The following GYG2 variants were observed in gnomAD, a reference collection of about 807,000 sequenced individuals.
The protein encoded by GYG2 is glycogenin 2, also known as glycogenin-2.
In GYG2, 29 loss-of-function variants were observed where a neutral mutation model predicts 29.4. The ratio of observed to expected loss-of-function variants is 0.99; its 90% CI spans 0.74 to 1.35. GYG2 has a LOEUF of 1.35. Ranked by LOEUF, GYG2 falls within the 40% of genes most tolerant of loss-of-function variation. The pLI, the probability that GYG2 is intolerant of heterozygous loss-of-function variation, is 0.00. For missense variants in GYG2, 370 were observed against 385.7 expected (o/e 0.96, Z 0.34); for synonymous variants, 167 against 172.3 (o/e 0.97, Z 0.24).
At position 2,856,521 on chromosome X, in the gene GYG2, A is replaced by C. The variant is rs1426232340; in HGVS notation, c.511A>C (p.Ser171Arg). The C allele has an allele frequency of 3.3e-6, 4 of 1,208,540 alleles. No homozygotes were observed. In the Admixed American group the frequency reaches 8.7e-5, roughly 26 times the overall value. ...AGGGGCAGACCAAGGCTTACTGAAT[A>C]GTTTCTTCAGGAACTGGTCGACCAC... is the stretch of plus-strand genomic sequence containing the variant. ...FDGADQGLLN[S>R]FFRNWSTTDI... The change falls in exon 6 of 11, where the codon AGT becomes CGT. Residue 171 changes from serine (S) to arginine (R), a missense_variant. Ser to Arg is a moderately radical substitution (Grantham distance 110). Transcript: ENST00000398806.
At chrX:2,848,559 A>G (rs200261931) in intron 3 of GYG2, among the ~76,000 whole-genome samples, 1 of 101,246 alleles carries the variant, frequency 9.9e-6, no homozygotes, top group Non-Finnish European at 2.0e-5. Flanking sequence ...AAAAAAAAAA[A>G]CCTGACTATA....
At chrX:2,870,767 C>A (rs1387983069) in intron 8 of GYG2, among the ~76,000 whole-genome samples, 1 of 111,595 alleles carries the variant, frequency 9.0e-6, no homozygotes, top group Non-Finnish European at 1.9e-5. Context: ...TCTTTTTCCC[C>A]ATCTTATTTA....
chrX:2,854,302 A>G, intron 4 of GYG2, 148 bp downstream of exon 4: 3 of 426,380 alleles, frequency 7.0e-6, no homozygotes, highest in Non-Finnish European at 1.2e-5. Context: ...GCTCACTGCA[A>G]CCTCCGCCTC....
chrX:2,830,522 C>T (rs1009136571), intron 2 of GYG2, among the ~76,000 whole-genome samples: 3 of 112,209 alleles, frequency 2.7e-5, no homozygotes, highest in Non-Finnish European at 5.6e-5. Context: ...CCTGGAAGGC[C>T]GATGGGAAGA....
At chrX:2,841,007 AG>A (rs2087482073) in intron 2 of GYG2, among the ~76,000 whole-genome samples, 1 of 11,788 alleles carries the variant, frequency 8.5e-5, no homozygotes, top group African/African-American at 1.8e-4. Context: ...TAGATGATAT[AG>A]ATAGATAGAT....
At chrX:2,856,963 T>TTATC (rs71989016) in intron 6 of GYG2, among the ~76,000 whole-genome samples, 67 of 63,598 alleles carry the variant, frequency 1.1e-3, no homozygotes, top group African/African-American at 5.8e-3. Context: ...AGACATCTGT[T>TTATC]TATCTATCTA....
chrX:2,871,388 A>T (rs1478998092), intron 8 of GYG2, among the ~76,000 whole-genome samples: 3 of 28,488 alleles, frequency 1.1e-4, no homozygotes, highest in Non-Finnish European at 4.1e-4. Context: ...TGATGCACTT[A>T]AAAAAAAAAA....
At chrX:2,878,043 C>T in intron 10 of GYG2, 1 of 742,437 alleles carries the variant, frequency 1.3e-6, no homozygotes, top group Non-Finnish European at 1.6e-6. Flanking sequence ...TCAAATGCAG[C>T]ATTTTGAACT....
intron 8 of GYG2, among the ~76,000 whole-genome samples, chrX:2,875,015 G>A (rs2088562738): frequency 1.8e-5 from 2 of 111,995 alleles, no homozygotes; most frequent in Non-Finnish European, 1.9e-5. Flanking sequence ...GACCTGATGG[G>A]GGCCCCAGTG....
chrX:2,850,206 CAG>C (rs2087838003), intron 3 of GYG2, among the ~76,000 whole-genome samples: 2 of 111,351 alleles, frequency 1.8e-5, no homozygotes, highest in Middle Eastern at 4.7e-3. Context: ...ATGTATAAAA[CAG>C]AGTTAAGTCT....
rs73632943 is a variant in GYG2 at position 2,847,182 on chromosome X, T to G, written c.149+3828T>G. On this transcript the variant is annotated intron_variant, in intron 3 of 10. Transcript: ENST00000398806. Reference sequence around the variant, plus strand: ...TTGACACCCAAACTTGATTTACAGGTTTGATTGTGTTTACATTTGGATTGA... The same window carrying G: ...TTGACACCCAAACTTGATTTACAGGGTTGATTGTGTTTACATTTGGATTGA... Among the ~76,000 whole-genome samples the G allele has an allele frequency of 9.5e-3, 1,053 of 111,208 alleles. 17 individuals are homozygous for G. Among genetic ancestry groups the G allele is most frequent in the African/African-American group, 0.031 (945 of 30,571 alleles).
rs367719286 is a variant in GYG2 at position 2,870,499 on chromosome X, G to A, written c.1039-5311G>A. 3.7e-4 allele frequency among the ~76,000 whole-genome samples: 41 copies of A among 111,481 alleles called. 1 individual carries two copies. The East Asian group carries it at 4.0e-3, about 11-fold the overall frequency. On this transcript the variant is annotated intron_variant, in intron 8 of 10. Transcript: ENST00000398806. ...ATTACAGGCATGAGCCACCACGCCC[G>A]GCCTCTACTAACATTAGTAGAACCG...
At chrX:2,842,245 A>T (rs2087519335) in intron 2 of GYG2, among the ~76,000 whole-genome samples, 1 of 107,456 alleles carries the variant, frequency 9.3e-6, no homozygotes, top group Non-Finnish European at 1.9e-5. Flanking sequence ...CCCAGGCTGG[A>T]GTTCAGTAGT....
At chrX:2,835,053 A>G (rs2087345014) in intron 2 of GYG2, among the ~76,000 whole-genome samples, 1 of 111,454 alleles carries the variant, frequency 9.0e-6, no homozygotes, top group African/African-American at 3.3e-5. Context: ...TAAGATACAC[A>G]TTGCTTTGAT....
intron 5 of GYG2, among the ~76,000 whole-genome samples, chrX:2,856,011 G>C (rs1247808324): frequency 2.7e-5 from 3 of 112,264 alleles, no homozygotes. Flanking sequence ...ACCCATGGTA[G>C]AATATAGGGA....
chrX:2,864,385 A>AT lies in GYG2; in HGVS notation c.1038+2678dup, dbSNP rs11283991. On this transcript the variant is annotated intron_variant, in intron 8 of 10. Coordinates refer to ENST00000398806, the MANE Select transcript of GYG2 (RefSeq NM_001079855.2). ...TAAGTAGATAGAGGCAAATGGTTGC[A>AT]TTTTTTTTTTTTTTTAGTTTCTGAT... Among the ~76,000 whole-genome samples, 326 of 100,168 alleles carry AT rather than the reference A, an allele frequency of 3.3e-3. 2 individuals carry two copies. The Middle Eastern group carries it at 0.047, about 14-fold the overall frequency. The allele number at this position is 100,168 out of a possible 115,157, so 87.0% of individuals were successfully genotyped here.
At chrX:2,864,968 A>G (rs2088264737) in intron 8 of GYG2, among the ~76,000 whole-genome samples, 1 of 111,032 alleles carries the variant, frequency 9.0e-6, no homozygotes, top group South Asian at 3.8e-4. Flanking sequence ...CATGTTGGCC[A>G]GGCTGTTCTT....
Position 2,857,579 on chromosome X carries a change from T to A in GYG2, c.614+955T>A, listed in dbSNP as rs779439172. Among the ~76,000 whole-genome samples the A allele has an allele frequency of 1.2e-3, 134 of 111,204 alleles. 1 individual carries two copies. The highest frequency in any genetic ancestry group is 4.2e-3 in the African/African-American group (129 of 30,725). On this transcript the variant is annotated intron_variant, in intron 6 of 10. Transcript: ENST00000398806. Reference sequence around the variant, plus strand: ...CTCTATATAGATCTATGTATCTAGATCTAGATCTCTATATAGGCATCTATC... The same window carrying A: ...CTCTATATAGATCTATGTATCTAGAACTAGATCTCTATATAGGCATCTATC...
At chrX:2,854,843 G>C in intron 4 of GYG2, 150 bp from the exon 5 acceptor site, 7 of 510,177 alleles carry the variant, frequency 1.4e-5, no homozygotes, top group Non-Finnish European at 2.3e-5. Context: ...GAGGTGGGGG[G>C]ATCGCTTGAA....
Sources: gnomAD v4.1 joint callset for allele counts (sites outside exome capture counted in the v4.1 genomes callset) on GRCh38, gnomAD v4.1.1 for gene constraint, MANE v1.5 for transcripts, NCBI Gene and HGNC (gene_info 2026-07-23, HGNC 2026-07-21) for gene names.